Variants in OXR1 observed in about 807,000 individuals in gnomAD.
The protein encoded by OXR1 is oxidation resistance 1.
In OXR1, 41 loss-of-function variants were observed where a neutral mutation model predicts 104.6. That is an observed-to-expected ratio of 0.39 (90% CI 0.31 to 0.51). The LOEUF (loss-of-function observed/expected upper bound fraction) is 0.51. Among genes scored for constraint, OXR1 ranks in the 20% least tolerant of loss-of-function variants. OXR1 has a pLI of 0.77. For synonymous variants in OXR1, 348 were observed against 348.4 expected, an observed-to-expected ratio of 1.00 and a Z score of 0.01; for missense variants, 955 against 1,031.9, an observed-to-expected ratio of 0.93 and a Z score of 1.02.
At chr8:106,672,216 G>A (rs987214809) in intron 3 of OXR1, among the ~76,000 whole-genome samples, 2 of 151,858 alleles carry the variant, frequency 1.3e-5, no homozygotes, top group Non-Finnish European at 2.9e-5. Flanking sequence ...AGTGGCTCAT[G>A]CCTGTAATTC....
At chr8:106,461,130 G>A (rs1356101757) in intron 2 of OXR1, among the ~76,000 whole-genome samples, 1 of 152,062 alleles carries the variant, frequency 6.6e-6, no homozygotes, top group Non-Finnish European at 1.5e-5. Flanking sequence ...AAGCAAATTA[G>A]GGCTAGTGGT....
At chr8:106,339,555 T>TATATATATATATAA (rs1323687556) in intron 1 of OXR1, among the ~76,000 whole-genome samples, 1 of 76,978 alleles carries the variant, frequency 1.3e-5, no homozygotes, top group Non-Finnish European at 2.4e-5. Context: ...TATATATATA[T>TATATATATATATAA]AAAACGAAAT....
intron 3 of OXR1, among the ~76,000 whole-genome samples, chr8:106,565,605 T>A (rs1241960914): frequency 6.6e-6 from 1 of 152,164 alleles, no homozygotes; most frequent in Admixed American, 6.5e-5. Context: ...ATTGACTTTC[T>A]TCACAGAATT....
At chr8:106,351,173 T>C (rs1373873808) in intron 1 of OXR1, among the ~76,000 whole-genome samples, 1 of 152,172 alleles carries the variant, frequency 6.6e-6, no homozygotes, top group Non-Finnish European at 1.5e-5. Context: ...ATGTAAAACA[T>C]TTATCATTTT....
intron 7 of OXR1, among the ~76,000 whole-genome samples, chr8:106,701,955 C>T (rs1830617565): frequency 6.6e-6 from 1 of 152,074 alleles, no homozygotes; most frequent in Non-Finnish European, 1.5e-5. Context: ...AGATTTGTAT[C>T]ACTATTTATT....
intron 2 of OXR1, among the ~76,000 whole-genome samples, chr8:106,492,832 A>G (rs1382019158): frequency 6.6e-6 from 1 of 152,196 alleles, no homozygotes; most frequent in Non-Finnish European, 1.5e-5. Flanking sequence ...AAATTGTGTT[A>G]AGACTTCAAC....
intron 3 of OXR1, among the ~76,000 whole-genome samples, chr8:106,573,505 G>A (rs979521673): frequency 3.3e-5 from 5 of 152,048 alleles, no homozygotes; most frequent in Non-Finnish European, 5.9e-5. Context: ...CAGAAACACT[G>A]GTCAAATACT....
At chr8:106,455,896 G>A (rs1026691820) in intron 2 of OXR1, among the ~76,000 whole-genome samples, 1 of 152,126 alleles carries the variant, frequency 6.6e-6, no homozygotes, top group Non-Finnish European at 1.5e-5. Flanking sequence ...CTTGCTTCTG[G>A]ACTGTACAAT....
intron 2 of OXR1, among the ~76,000 whole-genome samples, chr8:106,432,989 G>T (rs1819423340): frequency 6.6e-6 from 1 of 152,150 alleles, no homozygotes; most frequent in Admixed American, 6.5e-5. Context: ...ACTGCCCAAT[G>T]GGTTTTCCTT....
intron 8 of OXR1, among the ~76,000 whole-genome samples, chr8:106,705,823 C>T (rs1488321096): frequency 6.6e-6 from 1 of 151,988 alleles, no homozygotes; most frequent in African/African-American, 2.4e-5. Flanking sequence ...TAGTTGTTAG[C>T]CTGAAGATTT....
At chr8:106,423,978 C>G (rs920026829) in intron 2 of OXR1, among the ~76,000 whole-genome samples, 2 of 152,070 alleles carry the variant, frequency 1.3e-5, no homozygotes, top group Admixed American at 1.3e-4. Flanking sequence ...GCTGTGTGGC[C>G]TAGGCTGGAA....
intron 2 of OXR1, among the ~76,000 whole-genome samples, chr8:106,417,627 C>T (rs1475376575): frequency 2.0e-5 from 3 of 152,102 alleles, no homozygotes; most frequent in African/African-American, 7.2e-5. Context: ...TTACTTTTCA[C>T]AGAAAAATGT....
intron 3 of OXR1, among the ~76,000 whole-genome samples, chr8:106,573,429 G>A (rs1817617623): frequency 6.6e-6 from 1 of 152,000 alleles, no homozygotes; most frequent in Admixed American, 6.6e-5. Context: ...ATTCAAGGAA[G>A]AGTTTATTGA....
At chr8:106,610,715 C>T (rs762797364) in intron 3 of OXR1, among the ~76,000 whole-genome samples, 11 of 152,162 alleles carry the variant, frequency 7.2e-5, no homozygotes, top group Admixed American at 2.0e-4. Context: ...ATCCTACTTG[C>T]CTGACTTACT....
At chr8:106,346,349 A>G (rs1815480231) in intron 1 of OXR1, among the ~76,000 whole-genome samples, 1 of 152,154 alleles carries the variant, frequency 6.6e-6, no homozygotes, top group African/African-American at 2.4e-5. Flanking sequence ...ACTATTAAAG[A>G]AATGTGGAAG....
intron 3 of OXR1, chr8:106,657,729 A>G: frequency 1.5e-6 from 1 of 657,966 alleles, no homozygotes; most frequent in Non-Finnish European, 2.1e-6. Context: ...GTTCTGCCTC[A>G]TTTTGCATTT....
chr8:106,341,490 C>T (rs1369324507), intron 1 of OXR1, among the ~76,000 whole-genome samples: 5 of 151,722 alleles, frequency 3.3e-5, no homozygotes, highest in Admixed American at 2.6e-4. Flanking sequence ...AATATTGTCT[C>T]ATCTCTAGAG....
chr8:106,294,151 C>T (rs1325616057), intron 1 of OXR1, among the ~76,000 whole-genome samples: 1 of 151,696 alleles, frequency 6.6e-6, no homozygotes, highest in African/African-American at 2.4e-5. Flanking sequence ...GTCTGTATTC[C>T]TGGCACTTTG....
At chr8:106,497,601 C>G (rs1043528143) in intron 2 of OXR1, among the ~76,000 whole-genome samples, 1 of 152,168 alleles carries the variant, frequency 6.6e-6, no homozygotes, top group Non-Finnish European at 1.5e-5. Flanking sequence ...GAAATATTTA[C>G]TGGAGTCTTA....
Sources: gnomAD v4.1 joint callset for allele counts (sites outside exome capture counted in the v4.1 genomes callset) on GRCh38, gnomAD v4.1.1 for gene constraint, MANE v1.5 for transcripts, NCBI Gene and HGNC (gene_info 2026-07-23, HGNC 2026-07-21) for gene names.